Variants in NOL10 observed in about 807,000 individuals in gnomAD.
NOL10 encodes the protein nucleolar protein 10.
NOL10 carries 58 observed loss-of-function variants against 103.5 expected under a neutral mutation model. The ratio of observed to expected loss-of-function variants is 0.56; its 90% CI spans 0.45 to 0.70. NOL10 has a LOEUF of 0.70. Ranked by LOEUF, NOL10 falls within the 30% of genes least tolerant of loss-of-function variation. NOL10 has a pLI of 0.00. For synonymous variants in NOL10, 287 were observed against 282.5 expected (o/e 1.02, Z -0.16); for missense variants, 763 against 807.3 (o/e 0.95, Z 0.67).
At chr2:10,594,577 T>C (rs11680669) in intron 17 of NOL10, among the ~76,000 whole-genome samples, 6,020 of 152,242 alleles carry the variant, frequency 0.04, 240 homozygotes, top group African/African-American at 0.1. Flanking sequence ...GACATAGAAT[T>C]GGGTGTTGAT....
At position 10,589,736 on chromosome 2, in the gene NOL10, G is replaced by C. The variant is rs1390834166; in HGVS notation, c.1438C>G (p.Leu480Val). The change falls in exon 18 of 21, where the codon CTC (leucine) becomes GTC (valine). Residue 480 changes from leucine (L) to valine (V), a missense_variant. Leu to Val is a conservative substitution (Grantham distance 32, BLOSUM62 1). Coordinates refer to ENST00000381685, the MANE Select transcript of NOL10 (RefSeq NM_024894.4). ...KKKVKSLPNI[L>V]TDDRFKVMFE... ...ATAACTTTAAATCGATCATCGGTGA[G>C]AATATTAGGAAGACTCTACAAGGAG... 3 of 1,535,402 alleles carry C rather than the reference G, an allele frequency of 2.0e-6. No homozygotes were observed. The highest frequency in any genetic ancestry group is 1.7e-6 in the Non-Finnish European group (2 of 1,145,772).
chr2:10,635,758 C>T (rs1334061333), intron 13 of NOL10, among the ~76,000 whole-genome samples: 2 of 152,108 alleles, frequency 1.3e-5, no homozygotes, highest in Non-Finnish European at 2.9e-5. Context: ...AGCCTAGTAC[C>T]GTACTCAATA....
At chr2:10,655,376 T>G (rs1389119571) in intron 11 of NOL10, among the ~76,000 whole-genome samples, 1 of 152,112 alleles carries the variant, frequency 6.6e-6, no homozygotes, top group Admixed American at 6.5e-5. Flanking sequence ...AGGACAACAC[T>G]GCCATGCCTG....
chr2:10,682,587 A>G (rs1681855390), intron 2 of NOL10, among the ~76,000 whole-genome samples: 1 of 151,778 alleles, frequency 6.6e-6, no homozygotes, highest in African/African-American at 2.4e-5. Context: ...TTTTGTAGAG[A>G]TGGGGTTTCG....
rs113329459 is a variant in NOL10 at position 10,587,160 on chromosome 2, C to T, written c.1844+1883G>A. 2.6e-3 allele frequency among the ~76,000 whole-genome samples: 60 copies of T among 22,650 alleles called. 10 individuals are homozygous for T. Among genetic ancestry groups the T allele is most frequent in the African/African-American group, 9.7e-3 (25 of 2,566 alleles). 14.9% of individuals were successfully genotyped at this position (22,650 alleles called of 152,430 possible). ...ATACACATATATATACATATATACA[C>T]ATATATACACATATATATACACATA... On this transcript the variant is annotated intron_variant, in intron 19 of 20. Transcript: ENST00000381685.
chr2:10,582,212 A>G lies in NOL10; in HGVS notation c.1845-4474T>C, dbSNP rs534052402. Among the ~76,000 whole-genome samples, 557 of 152,324 alleles carry G rather than the reference A, an allele frequency of 3.7e-3. 2 individuals carry two copies. Among genetic ancestry groups the G allele is most frequent in the Non-Finnish European group, 6.0e-3 (405 of 68,032 alleles). On this transcript the variant is annotated intron_variant, in intron 19 of 20. Transcript: ENST00000381685. ...GAGCTGAAGAGTAAAAACATGCCATATTAATTCACAAAGTGGATAATGTTG... is the reference window on the plus strand; with the variant it reads ...GAGCTGAAGAGTAAAAACATGCCATGTTAATTCACAAAGTGGATAATGTTG...
At chr2:10,619,023 T>G (rs6732671) in intron 13 of NOL10, among the ~76,000 whole-genome samples, 86,921 of 151,454 alleles carry the variant, frequency 0.57, 26,017 homozygotes, top group African/African-American at 0.74. Flanking sequence ...GTTTATAAAC[T>G]TTGAACTTAA....
chr2:10,642,007 G>T (rs1307121127), intron 13 of NOL10, among the ~76,000 whole-genome samples: 2 of 152,190 alleles, frequency 1.3e-5, no homozygotes, highest in African/African-American at 4.8e-5. Context: ...GGCACTTGCT[G>T]TCCATGTTGC....
Position 10,673,554 on chromosome 2 carries a change from A to C in NOL10, c.293T>G (p.Val98Gly), listed in dbSNP as rs1681089619. 3.8e-6 allele frequency: 6 copies of C among 1,589,570 alleles called. No individual in the cohort carries two copies. Among genetic ancestry groups the C allele is most frequent in the Non-Finnish European group, 5.2e-6 (6 of 1,164,956 alleles). ...GTCATCAGACAAAATTTCAAAGGTG[A>C]CAACTGAAAAACAAGAAATAGGAAA... Reference protein sequence around the residue: ...KFERCLDSEVVTFEILSDDYS... With the variant: ...KFERCLDSEVGTFEILSDDYS... Residue 98 changes from valine (V) to glycine (G), a missense_variant, in exon 5 of 21, where the codon GTC becomes GGC. By Grantham distance (109) the Val-to-Gly change is moderately radical. Transcript: ENST00000381685.
intron 3 of NOL10, among the ~76,000 whole-genome samples, chr2:10,680,403 GAGA>G (rs1294188840): frequency 6.7e-6 from 1 of 149,450 alleles, no homozygotes; most frequent in African/African-American, 2.5e-5. Context: ...GGAGAGGGAG[GAGA>G]AGGAGAAAAG....
intron 13 of NOL10, 69 bp downstream of exon 13, chr2:10,644,251 A>C: frequency 1.6e-6 from 2 of 1,220,116 alleles, no homozygotes; most frequent in Non-Finnish European, 2.2e-6. Context: ...GTCTCAAAAA[A>C]TTAAATAAAT....
chr2:10,575,136 A>T (rs1475901277), intron 20 of NOL10, among the ~76,000 whole-genome samples: 1 of 152,194 alleles, frequency 6.6e-6, no homozygotes, highest in African/African-American at 2.4e-5. Flanking sequence ...ACAGGTGCAA[A>T]CAGGCACATT....
chr2:10,671,243 A>G (rs949241281), intron 6 of NOL10, among the ~76,000 whole-genome samples: 2 of 152,172 alleles, frequency 1.3e-5, no homozygotes, highest in Non-Finnish European at 2.9e-5. Flanking sequence ...AGGCTCACAC[A>G]CTTCCCATCA....
intron 13 of NOL10, chr2:10,634,589 C>T (rs1160454906): frequency 2.2e-6 from 1 of 456,564 alleles, no homozygotes; most frequent in Non-Finnish European, 4.4e-6. Flanking sequence ...GTCATTAACA[C>T]ACAGCTGTTA....
At chr2:10,678,982 T>C (rs751710699) in intron 3 of NOL10, among the ~76,000 whole-genome samples, 4 of 152,132 alleles carry the variant, frequency 2.6e-5, no homozygotes, top group African/African-American at 7.2e-5. Context: ...TCCCAGCACT[T>C]TGAGAGACAG....
intron 13 of NOL10, among the ~76,000 whole-genome samples, chr2:10,616,879 G>A (rs1676861545): frequency 6.6e-6 from 1 of 152,078 alleles, no homozygotes; most frequent in Non-Finnish European, 1.5e-5. Flanking sequence ...GGTTGCCTAA[G>A]CTCCCTCCCC....
intron 4 of NOL10, among the ~76,000 whole-genome samples, chr2:10,673,844 A>T (rs76252522): frequency 0.098 from 14,866 of 152,138 alleles, 1,123 homozygotes; most frequent in East Asian, 0.39. Flanking sequence ...TGAGATGTTG[A>T]AAACAAAATA....
At chr2:10,584,093 C>T (rs996185606) in intron 19 of NOL10, among the ~76,000 whole-genome samples, 8 of 152,152 alleles carry the variant, frequency 5.3e-5, no homozygotes, top group Non-Finnish European at 1.2e-4. Flanking sequence ...GTGGCTGCAC[C>T]GTGCCTCTGC....
At position 10,589,578 on chromosome 2, in the gene NOL10, T is replaced by C. The variant is rs1264383880; in HGVS notation, c.1596A>G (p.Lys532=). The C allele has an allele frequency of 6.4e-7, 1 of 1,558,288 alleles. No homozygotes were observed. Among genetic ancestry groups the C allele is most frequent in the African/African-American group, 1.4e-5 (1 of 72,244 alleles). ...RLLEQQELRE[K]EEEEEPEGKP... ...TTCTAACTGATAAGGAGTACATTAC[T>C]TTTTCACGAAGTTCTTGTTGCTCTA... The change falls in exon 18 of 21, where the codon AAA becomes AAG. Residue 532 remains lysine, a splice_region_variant and synonymous_variant. Transcript: ENST00000381685.
Sources: allele counts gnomAD v4.1 joint callset (sites outside exome capture counted in the v4.1 genomes callset), GRCh38; gene constraint gnomAD v4.1.1; transcripts MANE v1.5; gene names NCBI Gene and HGNC (gene_info 2026-07-23, HGNC 2026-07-21).